WDFY1: variants seen among roughly 807,000 people sequenced by gnomAD.
WDFY1 encodes WD repeat and FYVE domain-containing protein 1.
WDFY1 carries 32 observed loss-of-function variants against 56.4 expected under a neutral mutation model. The ratio of observed to expected loss-of-function variants is 0.57; its 90% CI spans 0.43 to 0.76. WDFY1 has a LOEUF of 0.76. Among genes scored for constraint, WDFY1 ranks in the 30% least tolerant of loss-of-function variants. The pLI, the probability that WDFY1 is intolerant of heterozygous loss-of-function variation, is 0.00. For synonymous variants in WDFY1, 192 were observed against 197.3 expected, an observed-to-expected ratio of 0.97 and a Z score of 0.23; for missense variants, 480 against 545.7, an observed-to-expected ratio of 0.88 and a Z score of 1.20.
At chr2:223,903,942 T>G (rs1328898627) in intron 4 of WDFY1, among the ~76,000 whole-genome samples, 1 of 152,162 alleles carries the variant, frequency 6.6e-6, no homozygotes, top group Non-Finnish European at 1.5e-5. Flanking sequence ...TATTAAGGAA[T>G]TTGCCTTTTG....
chr2:223,888,421 T>A (rs1693208421), intron 8 of WDFY1, among the ~76,000 whole-genome samples: 1 of 152,050 alleles, frequency 6.6e-6, no homozygotes, highest in Admixed American at 6.6e-5. Context: ...TTGAATTATG[T>A]TTCAATTACC....
At chr2:223,905,669 G>A (rs549180254) in intron 4 of WDFY1, among the ~76,000 whole-genome samples, 6 of 151,858 alleles carry the variant, frequency 4.0e-5, no homozygotes, top group African/African-American at 1.5e-4. Flanking sequence ...TGTATGAAGA[G>A]TAGTGTGTGT....
chr2:223,926,646 A>ATGTG (rs61402571), intron 1 of WDFY1, among the ~76,000 whole-genome samples: 43,626 of 144,916 alleles, frequency 0.3, 7,127 homozygotes, highest in Non-Finnish European at 0.38. Flanking sequence ...ATATACAAAT[A>ATGTG]TGTGCGTGTG....
At chr2:223,900,954 C>G in intron 5 of WDFY1, 1 of 468,008 alleles carries the variant, frequency 2.1e-6, no homozygotes. Flanking sequence ...TTACAGCAAA[C>G]TTACGGAAGT....
chr2:223,933,607 G>A (rs942921984), intron 1 of WDFY1, among the ~76,000 whole-genome samples: 4 of 151,942 alleles, frequency 2.6e-5, no homozygotes, highest in Admixed American at 1.3e-4. Flanking sequence ...GATCACTTGA[G>A]CCTAGGGGCT....
At chr2:223,895,073 C>A (rs1693341486) in intron 7 of WDFY1, among the ~76,000 whole-genome samples, 1 of 152,160 alleles carries the variant, frequency 6.6e-6, no homozygotes, top group African/African-American at 2.4e-5. Flanking sequence ...AATTTAATAT[C>A]TTTTAGAATA....
At chr2:223,915,973 C>A (rs1490147784) in intron 2 of WDFY1, among the ~76,000 whole-genome samples, 1 of 152,238 alleles carries the variant, frequency 6.6e-6, no homozygotes, top group Non-Finnish European at 1.5e-5. Context: ...ATCCACAGTA[C>A]ATGCAGACAT....
intron 4 of WDFY1, among the ~76,000 whole-genome samples, chr2:223,903,117 A>G (rs1693531783): frequency 6.6e-6 from 1 of 152,220 alleles, no homozygotes; most frequent in African/African-American, 2.4e-5. Flanking sequence ...AAAATACAGC[A>G]ATCCCTATAT....
At chr2:223,916,693 A>G (rs1693793341) in intron 2 of WDFY1, among the ~76,000 whole-genome samples, 1 of 152,168 alleles carries the variant, frequency 6.6e-6, no homozygotes, top group Non-Finnish European at 1.5e-5. Context: ...CATTCTCTAC[A>G]GGGCTTTCTT....
intron 4 of WDFY1, among the ~76,000 whole-genome samples, chr2:223,903,820 T>G (rs1467747565): frequency 6.6e-6 from 1 of 151,978 alleles, no homozygotes; most frequent in African/African-American, 2.4e-5. Context: ...TGGCTACATT[T>G]TTATAGCAGT....
intron 1 of WDFY1, among the ~76,000 whole-genome samples, chr2:223,939,974 A>G (rs1051176756): frequency 2.6e-5 from 4 of 152,238 alleles, no homozygotes; most frequent in African/African-American, 9.6e-5. Flanking sequence ...AAATGCTCTC[A>G]GCTAGTTCTC....
At chr2:223,897,569 T>G (rs552514886) in intron 6 of WDFY1, among the ~76,000 whole-genome samples, 92 of 151,664 alleles carry the variant, frequency 6.1e-4, no homozygotes, top group African/African-American at 2.2e-3. Flanking sequence ...TTAGTAGAGA[T>G]GGGGTTTCGC....
intron 1 of WDFY1, among the ~76,000 whole-genome samples, chr2:223,933,784 C>T (rs922826521): frequency 1.4e-4 from 16 of 117,346 alleles, no homozygotes; most frequent in African/African-American, 4.2e-4. Context: ...TAGTGAGACC[C>T]CCCCCCATCT....
In WDFY1 at chr2:223,890,724, C is replaced by A. The variant is rs566273540; in HGVS notation, c.831+3510G>T. Among the ~76,000 whole-genome samples the A allele has an allele frequency of 4.6e-5, 7 of 152,292 alleles. No homozygotes were observed. The East Asian group carries it at 1.4e-3, about 29-fold the overall frequency. ...ACAAAGATATGGCAAGAATAAATTC[C>A]ATTGCTCTACTGCCACTAACTGCTG... On this transcript the variant is annotated intron_variant, in intron 8 of 11. Coordinates refer to ENST00000233055, the MANE Select transcript of WDFY1 (RefSeq NM_020830.5).
chr2:223,927,828 C>T (rs1205240610), intron 1 of WDFY1, among the ~76,000 whole-genome samples: 2 of 152,122 alleles, frequency 1.3e-5, no homozygotes, highest in Non-Finnish European at 2.9e-5. Flanking sequence ...ATATGTGACT[C>T]TTCCTTTCAC....
chr2:223,882,807 G>A (rs1280875965), intron 9 of WDFY1, among the ~76,000 whole-genome samples: 6 of 151,800 alleles, frequency 4.0e-5, no homozygotes, highest in African/African-American at 4.8e-5. Context: ...AGCTCACTGC[G>A]GCCTTGACCT....
At chr2:223,902,491 G>A (rs1188061058) in intron 4 of WDFY1, among the ~76,000 whole-genome samples, 1 of 152,176 alleles carries the variant, frequency 6.6e-6, no homozygotes, top group African/African-American at 2.4e-5. Context: ...CTTGAGCCCA[G>A]GAGTTGGAGG....
At chr2:223,926,614 T>C (rs1559173909) in intron 1 of WDFY1, among the ~76,000 whole-genome samples, 1 of 151,788 alleles carries the variant, frequency 6.6e-6, no homozygotes, top group Non-Finnish European at 1.5e-5. Flanking sequence ...CATTTACATA[T>C]ATATGTGTGT....
At chr2:223,915,629 A>G (rs925993752) in intron 2 of WDFY1, among the ~76,000 whole-genome samples, 3 of 152,224 alleles carry the variant, frequency 2.0e-5, no homozygotes, top group Admixed American at 6.5e-5. Flanking sequence ...AGTGGGAAGC[A>G]TAAGAGCCAT....
Sources: allele counts gnomAD v4.1 joint callset (sites outside exome capture counted in the v4.1 genomes callset), GRCh38; gene constraint gnomAD v4.1.1; transcripts MANE v1.5; gene names NCBI Gene and HGNC (gene_info 2026-07-23, HGNC 2026-07-21).